Variants in CA10 observed in about 807,000 individuals in gnomAD.
CA10 encodes carbonic anhydrase 10 (inactive).
CA10 carries 14 observed loss-of-function variants against 44.2 expected under a neutral mutation model. The observed-to-expected ratio is 0.32, with a 90% CI of 0.21 to 0.50. The LOEUF (loss-of-function observed/expected upper bound fraction) is 0.50, where lower values mean the gene tolerates loss of function less well. Among genes scored for constraint, CA10 ranks in the 20% least tolerant of loss-of-function variants. The pLI is 0.99. For synonymous variants in CA10, 159 were observed against 141.6 expected, an observed-to-expected ratio of 1.12 and a Z score of -0.87; for missense variants, 350 against 409.7, an observed-to-expected ratio of 0.85 and a Z score of 1.26.
chr17:51,635,123 T>C (rs1165309522), intron 7 of CA10, among the ~76,000 whole-genome samples: 10 of 152,090 alleles, frequency 6.6e-5, no homozygotes, highest in Admixed American at 6.6e-4. Context: ...AAGACAAGCT[T>C]ATTGGGGTTA....
At chr17:51,708,506 C>A (rs955006257) in intron 4 of CA10, among the ~76,000 whole-genome samples, 1 of 152,164 alleles carries the variant, frequency 6.6e-6, no homozygotes. Context: ...TGAGTGGCAG[C>A]TCTTATCCAG....
intron 4 of CA10, among the ~76,000 whole-genome samples, chr17:51,667,740 G>T (rs1914260455): frequency 6.6e-6 from 1 of 152,126 alleles, no homozygotes; most frequent in Non-Finnish European, 1.5e-5. Context: ...GGTGACAGTG[G>T]GGAAAGGAGA....
intron 2 of CA10, among the ~76,000 whole-genome samples, chr17:52,060,069 T>C (rs1987341531): frequency 6.6e-6 from 1 of 152,172 alleles, no homozygotes. Context: ...TACGTGTCTT[T>C]TTATAAGTTG....
At chr17:52,056,104 C>CT (rs1247975676) in intron 2 of CA10, among the ~76,000 whole-genome samples, 9 of 151,948 alleles carry the variant, frequency 5.9e-5, no homozygotes, top group Admixed American at 2.0e-4. Context: ...GGAAGTCTAC[C>CT]TTTTAGGAGG....
chr17:51,732,900 T>G (rs1322415820), intron 4 of CA10, among the ~76,000 whole-genome samples: 1 of 152,200 alleles, frequency 6.6e-6, no homozygotes. Context: ...AAGGCCGTCA[T>G]GCAGAGATGG....
chr17:51,680,473 C>T (rs1051312726), intron 4 of CA10, among the ~76,000 whole-genome samples: 2 of 152,092 alleles, frequency 1.3e-5, no homozygotes, highest in African/African-American at 4.8e-5. Flanking sequence ...CATGTGTATC[C>T]GTGAGCAATA....
At chr17:51,930,825 G>C (rs1008285057) in intron 3 of CA10, among the ~76,000 whole-genome samples, 165 bp downstream of exon 3, 3 of 152,098 alleles carry the variant, frequency 2.0e-5, no homozygotes, top group Non-Finnish European at 4.4e-5. Context: ...GGGAGAAAAA[G>C]CACAATTTAG....
intron 3 of CA10, among the ~76,000 whole-genome samples, chr17:51,878,687 G>A (rs1415200442): frequency 6.6e-6 from 1 of 151,336 alleles, no homozygotes; most frequent in Non-Finnish European, 1.5e-5. Flanking sequence ...TCAGATTATT[G>A]CATGTATTGA....
At chr17:52,020,795 C>T (rs978517605) in intron 2 of CA10, among the ~76,000 whole-genome samples, 12 of 151,972 alleles carry the variant, frequency 7.9e-5, no homozygotes, top group African/African-American at 2.9e-4. Flanking sequence ...TTTTTCAACC[C>T]TTGCCCCATC....
At chr17:52,075,439 A>G (rs1282262664) in intron 1 of CA10, among the ~76,000 whole-genome samples, 1 of 152,210 alleles carries the variant, frequency 6.6e-6, no homozygotes, top group Non-Finnish European at 1.5e-5. Context: ...CTTGATTTAC[A>G]TGATCTTTGC....
intron 1 of CA10, among the ~76,000 whole-genome samples, chr17:52,132,723 T>G (rs750066725): frequency 1.3e-5 from 2 of 152,126 alleles, no homozygotes; most frequent in South Asian, 2.1e-4. Flanking sequence ...TAGGGAGGAT[T>G]TGGGGCCCTA....
intron 2 of CA10, among the ~76,000 whole-genome samples, chr17:52,071,342 C>G (rs913573881): frequency 6.6e-6 from 1 of 152,166 alleles, no homozygotes; most frequent in South Asian, 2.1e-4. Context: ...CAAAGCCTCA[C>G]GAGTACTTAT....
At chr17:51,676,847 G>T (rs372589623) in intron 4 of CA10, among the ~76,000 whole-genome samples, 1 of 152,112 alleles carries the variant, frequency 6.6e-6, no homozygotes, top group South Asian at 2.1e-4. Flanking sequence ...ATAACCCAGG[G>T]TTATCTTAGT....
chr17:51,705,376 CA>C (rs1915731494), intron 4 of CA10, among the ~76,000 whole-genome samples: 2 of 152,122 alleles, frequency 1.3e-5, no homozygotes, highest in South Asian at 4.1e-4. Context: ...TGAACCATAG[CA>C]GAGGGGATCC....
At chr17:51,793,954 C>T (rs1310122867) in intron 3 of CA10, among the ~76,000 whole-genome samples, 1 of 152,228 alleles carries the variant, frequency 6.6e-6, no homozygotes, top group African/African-American at 2.4e-5. Context: ...GTCCTTTTCT[C>T]TTTGTACACA....
At chr17:52,092,677 A>G (rs985664168) in intron 1 of CA10, among the ~76,000 whole-genome samples, 8 of 151,994 alleles carry the variant, frequency 5.3e-5, no homozygotes, top group African/African-American at 1.7e-4. Context: ...TCTCTTTTTC[A>G]CTTCCTGCAA....
At chr17:51,884,392 C>T (rs537729597) in intron 3 of CA10, among the ~76,000 whole-genome samples, 1 of 152,320 alleles carries the variant, frequency 6.6e-6, no homozygotes, top group East Asian at 1.9e-4. Context: ...TCTCCCTCTC[C>T]AGCCTCCAAG....
At chr17:51,754,583 TTCAGGGAGG>T (rs1905022125) in intron 3 of CA10, among the ~76,000 whole-genome samples, 1 of 151,682 alleles carries the variant, frequency 6.6e-6, no homozygotes, top group South Asian at 2.1e-4. Context: ...TTCCTTTTCA[TTCAGGGAGG>T]TCAGTCTTTT....
intron 3 of CA10, among the ~76,000 whole-genome samples, chr17:51,913,888 G>A (rs966339853): frequency 6.6e-6 from 1 of 152,098 alleles, no homozygotes; most frequent in Non-Finnish European, 1.5e-5. Flanking sequence ...ACTAGGAGAA[G>A]CACAAATCTT....
Sources: gnomAD v4.1 joint callset for allele counts (sites outside exome capture counted in the v4.1 genomes callset) on GRCh38, gnomAD v4.1.1 for gene constraint, MANE v1.5 for transcripts, NCBI Gene and HGNC (gene_info 2026-07-23, HGNC 2026-07-21) for gene names.